The following PPP3R1 variants were observed in gnomAD, a reference collection of about 807,000 sequenced individuals.
PPP3R1 encodes the protein protein phosphatase 3 regulatory subunit B, alpha.
In PPP3R1, 5 loss-of-function variants were observed where a neutral mutation model predicts 22.6. The ratio of observed to expected loss-of-function variants is 0.22; its 90% CI spans 0.12 to 0.46. The LOEUF is 0.46. Among genes scored for constraint, PPP3R1 ranks in the 20% least tolerant of loss-of-function variants. The probability of loss-of-function intolerance (pLI) is 0.99; values close to 1 mark genes in which losing one functional copy is unlikely to be tolerated. For missense variants in PPP3R1, 61 were observed against 203.2 expected (o/e 0.30, Z 4.25); for synonymous variants, 56 against 65.2 (o/e 0.86, Z 0.68).
chr2:68,188,949 C>T (rs986242667), intron 2 of PPP3R1, among the ~76,000 whole-genome samples: 9 of 152,142 alleles, frequency 5.9e-5, no homozygotes, highest in Admixed American at 1.3e-4. Flanking sequence ...CCATTACATA[C>T]ATCCGCTGTA....
At chr2:68,218,728 G>GT (rs200366763) in intron 1 of PPP3R1, among the ~76,000 whole-genome samples, 62 of 38,138 alleles carry the variant, frequency 1.6e-3, no homozygotes, top group African/African-American at 5.3e-3. Context: ...GTCACTGTGA[G>GT]TTTTTTTTTT....
intron 1 of PPP3R1, among the ~76,000 whole-genome samples, chr2:68,223,814 A>C (rs557294055): frequency 2.8e-3 from 425 of 152,150 alleles, no homozygotes; most frequent in Middle Eastern, 0.014. Flanking sequence ...GACAAAAAAA[A>C]AAAAAAACAA....
At chr2:68,235,494 T>C (rs1670001820) in intron 1 of PPP3R1, among the ~76,000 whole-genome samples, 1 of 152,194 alleles carries the variant, frequency 6.6e-6, no homozygotes, top group Admixed American at 6.5e-5. Flanking sequence ...GGCTACTTAG[T>C]CGAGTATTTT....
chr2:68,250,438 T>G (rs977452282), intron 1 of PPP3R1, among the ~76,000 whole-genome samples: 1 of 152,220 alleles, frequency 6.6e-6, no homozygotes. Flanking sequence ...AACAAAAGGC[T>G]AGATCATTGT....
chr2:68,225,943 C>T (rs1669772005), intron 1 of PPP3R1, among the ~76,000 whole-genome samples: 1 of 152,194 alleles, frequency 6.6e-6, no homozygotes, highest in Admixed American at 6.5e-5. Context: ...ACCTAAATGT[C>T]TTCAACTGGT....
chr2:68,192,722 C>T (rs551258775), intron 2 of PPP3R1, among the ~76,000 whole-genome samples: 20 of 152,234 alleles, frequency 1.3e-4, no homozygotes, highest in Non-Finnish European at 2.6e-4. Flanking sequence ...TTCTAAAAGG[C>T]AAATTCAGCC....
At chr2:68,231,892 T>C (rs1175245081) in intron 1 of PPP3R1, among the ~76,000 whole-genome samples, 1 of 151,852 alleles carries the variant, frequency 6.6e-6, no homozygotes, top group African/African-American at 2.4e-5. Context: ...TTTGACCTCA[T>C]GTGCTCCCTA....
intron 5 of PPP3R1, among the ~76,000 whole-genome samples, chr2:68,184,732 C>T (rs975110400): frequency 1.3e-5 from 2 of 152,138 alleles, no homozygotes; most frequent in Non-Finnish European, 1.5e-5. Context: ...AAAAACACAA[C>T]GAACATTTTT....
At chr2:68,243,018 A>G (rs1388623209) in intron 1 of PPP3R1, among the ~76,000 whole-genome samples, 1 of 152,220 alleles carries the variant, frequency 6.6e-6, no homozygotes, top group Non-Finnish European at 1.5e-5. Context: ...CAACACCAGA[A>G]AAACAAGTCA....
intron 1 of PPP3R1, among the ~76,000 whole-genome samples, chr2:68,244,693 A>T (rs1174969864): frequency 6.6e-6 from 1 of 152,134 alleles, no homozygotes; most frequent in African/African-American, 2.4e-5. Context: ...CTCTTACCAA[A>T]AAAGAACTTA....
At chr2:68,184,534 G>A (rs1674493542) in intron 5 of PPP3R1, among the ~76,000 whole-genome samples, 1 of 152,100 alleles carries the variant, frequency 6.6e-6, no homozygotes, top group Non-Finnish European at 1.5e-5. Context: ...CTTTAAGCCT[G>A]TCACTAATCA....
chr2:68,209,506 T>C (rs988908745), intron 2 of PPP3R1, among the ~76,000 whole-genome samples: 1 of 148,474 alleles, frequency 6.7e-6, no homozygotes, highest in Admixed American at 6.8e-5. Context: ...GTAATCCCAA[T>C]ACTTTCAGAG....
chr2:68,207,648 T>TA (rs1183838948), intron 2 of PPP3R1, among the ~76,000 whole-genome samples: 3 of 152,220 alleles, frequency 2.0e-5, no homozygotes, highest in African/African-American at 7.2e-5. Flanking sequence ...GACTGAGAAA[T>TA]AAAAAATTAA....
intron 2 of PPP3R1, among the ~76,000 whole-genome samples, chr2:68,190,351 G>A (rs977677459): frequency 6.6e-6 from 1 of 151,372 alleles, no homozygotes; most frequent in Non-Finnish European, 1.5e-5. Flanking sequence ...GATCACCTGA[G>A]GTCAGGAGTT....
At chr2:68,182,657 TAAAA>T (rs34758901) in intron 5 of PPP3R1, among the ~76,000 whole-genome samples, 2 of 123,794 alleles carry the variant, frequency 1.6e-5, no homozygotes. Flanking sequence ...CTCTAATACT[TAAAA>T]AAAAAAAAAA....
rs983237792 is a variant in PPP3R1 at position 68,180,217 on chromosome 2, C to T, written c.*746G>A. On this transcript the variant is annotated 3_prime_UTR_variant, in exon 6 of 6. Transcript: ENST00000234310. ...AGCAGCTATAAGCCCTGTGCAGTTA[C>T]TATATGAACACAAGAACTAGCTCTT... The T allele has an allele frequency of 6.6e-6, 1 of 152,238 alleles. No homozygotes were observed. The highest frequency in any genetic ancestry group is 1.5e-5 in the Non-Finnish European group (1 of 68,036). 9.4% of individuals were successfully genotyped at this position (152,238 alleles called of 1,614,324 possible). A position where few individuals can be genotyped will look rare whatever the true frequency, so the allele number is the denominator to read the frequency against.
In PPP3R1 at chr2:68,228,937, A is replaced by C. The variant is rs548490182; in HGVS notation, c.4-11806T>G. On this transcript the variant is annotated intron_variant, in intron 1 of 5. Coordinates refer to ENST00000234310, the MANE Select transcript of PPP3R1 (RefSeq NM_000945.4). ...ATTTGGAAGTGTTTAGAGATTTTCC[A>C]GGTATCTATTATTGATTTCTAGTTT... 2.0e-5 allele frequency among the ~76,000 whole-genome samples: 3 copies of C among 152,176 alleles called. No individual in the cohort carries two copies. The South Asian group carries it at 6.2e-4, about 32-fold the overall frequency.
chr2:68,216,219 G>A (rs1669576748), intron 2 of PPP3R1, among the ~76,000 whole-genome samples: 1 of 151,808 alleles, frequency 6.6e-6, no homozygotes, highest in Non-Finnish European at 1.5e-5. Flanking sequence ...AAGCTTACTG[G>A]GATATTAATA....
Position 68,187,294 on chromosome 2 carries a change from G to T in PPP3R1, c.241C>A (p.Gln81Lys). 6.2e-7 allele frequency: 1 copy of T among 1,610,982 alleles called. No homozygotes were observed. Among genetic ancestry groups the T allele is most frequent in the South Asian group, 1.1e-5 (1 of 90,398 alleles). The change falls in exon 4 of 6, where the codon CAG becomes AAG. Residue 81 changes from glutamine to lysine, a missense_variant. Physicochemically the swap from Gln to Lys is moderately conservative, Grantham distance 53. Transcript: ENST00000234310. ...DFKEFIEGVS[Q>K]FSVKGDKEQK... ...TCCTTATCTCCTTTGACACTGAACT[G>T]AGAGACGCCCTCAATGAATTCTGAA...
Sources: allele counts gnomAD v4.1 joint callset (sites outside exome capture counted in the v4.1 genomes callset), GRCh38; gene constraint gnomAD v4.1.1; transcripts MANE v1.5; gene names NCBI Gene and HGNC (gene_info 2026-07-23, HGNC 2026-07-21).